Variants in SFTPC observed in about 807,000 individuals in gnomAD.
SFTPC encodes BRICHOS domain containing 6.
SFTPC carries 12 observed loss-of-function variants against 19.9 expected under a neutral mutation model. That is an observed-to-expected ratio of 0.60 (90% CI 0.39 to 0.98). The LOEUF (loss-of-function observed/expected upper bound fraction) is 0.98. Among genes scored for constraint, SFTPC ranks in the 50% least tolerant of loss-of-function variants. The pLI is 0.00. For missense variants in SFTPC, 219 were observed against 252.2 expected (o/e 0.87, Z 0.89); for synonymous variants, 123 against 103.3 (o/e 1.19, Z -1.16).
At chr8:22,158,958 A>G (rs1272350664), upstream of SFTPC, 1 of 152,236 alleles carries the variant, frequency 6.6e-6, no homozygotes, top group Non-Finnish European at 1.5e-5. Context: ...TGGAAGATAG[A>G]GCAACAAAAA....
intron 4 of SFTPC, 140 bp from the exon 5 acceptor site, chr8:22,163,761 T>G: frequency 1.1e-6 from 1 of 911,686 alleles, no homozygotes; most frequent in Non-Finnish European, 1.8e-6. Context: ...TGGTGGCTTC[T>G]GACTCTAGCA....
In SFTPC at chr8:22,163,107, G is replaced by A. The variant is rs772841457; in HGVS notation, c.229G>A (p.Glu77Lys). 6 of 1,614,030 alleles carry A rather than the reference G, an allele frequency of 3.7e-6. No individual in the cohort carries two copies. Among genetic ancestry groups the A allele is most frequent in the Middle Eastern group, 3.3e-4 (2 of 6,084 alleles). Residue 77 changes from glutamate (E) to lysine (K), a missense_variant, in exon 3 of 6, where the codon GAA (glutamate) becomes AAA (lysine). By Grantham distance (56) the Glu-to-Lys change is moderately conservative. Coordinates refer to ENST00000679463, the MANE Select transcript of SFTPC (RefSeq NM_001317778.2). The part of the protein sequence containing the change: ...MVLEMSIGAP[E>K]AQQRLALSEH... ...TCTGGAGATGAGCATTGGGGCGCCG[G>A]AAGCCCAGCAACGCCTGGCCCTGAG...
chr8:22,161,777 C>A (rs373338880), upstream of SFTPC: 28 of 1,613,828 alleles, frequency 1.7e-5, 1 homozygote, highest in Admixed American at 4.2e-4. Context: ...ACATATAAGA[C>A]CCTGGTCACA....
At chr8:22,161,624 G>A, upstream of SFTPC, 2 of 1,518,208 alleles carry the variant, frequency 1.3e-6, no homozygotes, top group Non-Finnish European at 1.8e-6. Context: ...ATGTGCCAGG[G>A]CCAAGGGCCC....
upstream of SFTPC, among the ~76,000 whole-genome samples, chr8:22,161,233 G>C (rs187249892): frequency 7.9e-4 from 121 of 152,318 alleles, 1 homozygote; most frequent in African/African-American, 2.8e-3. Flanking sequence ...AGGAGGCAAG[G>C]TAAGGGAAAG....
upstream of SFTPC, chr8:22,159,593 C>T (rs1011317771): frequency 7.7e-6 from 3 of 391,396 alleles, no homozygotes; most frequent in Middle Eastern, 3.7e-4. Context: ...CAGCAGCAGC[C>T]GCCACAGAGC....
upstream of SFTPC, among the ~76,000 whole-genome samples, chr8:22,158,435 C>T (rs548378014): frequency 2.0e-5 from 3 of 152,286 alleles, no homozygotes; most frequent in East Asian, 1.9e-4. Flanking sequence ...AATCTTGTCC[C>T]CACCCCTGCA....
upstream of SFTPC, chr8:22,159,633 G>A: frequency 2.0e-6 from 1 of 488,454 alleles, no homozygotes; most frequent in South Asian, 1.6e-5. Context: ...AGGGCAACAG[G>A]CAGGGGAGAC....
intron 1 of SFTPC, 109 bp from the exon 2 acceptor site, chr8:22,162,465 C>T (rs1009713901): frequency 1.8e-5 from 22 of 1,232,834 alleles, no homozygotes; most frequent in African/African-American, 4.5e-5. Context: ...TCCATCGCAT[C>T]GGCTGTCCAG....
upstream of SFTPC, among the ~76,000 whole-genome samples, chr8:22,158,211 G>A (rs1827572242): frequency 6.6e-6 from 1 of 152,232 alleles, no homozygotes; most frequent in Non-Finnish European, 1.5e-5. Context: ...GACTCTGCCA[G>A]CAGGGGATTC....
upstream of SFTPC, among the ~76,000 whole-genome samples, chr8:22,161,038 G>A (rs1827696609): frequency 6.6e-6 from 1 of 152,142 alleles, no homozygotes; most frequent in Non-Finnish European, 1.5e-5. Flanking sequence ...GGGCTGTCCG[G>A]GCAGAAGAAA....
chr8:22,164,207 C>T, intron 5 of SFTPC, 59 bp from the exon 6 acceptor site: 8 of 1,524,736 alleles, frequency 5.2e-6, no homozygotes, highest in Non-Finnish European at 4.4e-6. Context: ...GCTCACAGAC[C>T]GGTACTTCCC....
intron 5 of SFTPC, 80 bp downstream of exon 5, chr8:22,164,139 A>C: frequency 1.9e-6 from 3 of 1,579,504 alleles, no homozygotes; most frequent in Non-Finnish European, 2.6e-6. Flanking sequence ...GCTCGCGCTG[A>C]CCAGGCGCTG....
upstream of SFTPC, chr8:22,161,611 C>G (rs573825268): frequency 3.4e-6 from 5 of 1,461,030 alleles, no homozygotes; most frequent in Middle Eastern, 2.5e-4. Flanking sequence ...GCCAAGAGGA[C>G]TCATGTGCCA....
rs750172249 is a variant in SFTPC at position 22,162,670 on chromosome 8, G to A, written c.139G>A (p.Val47Ile). Residue 47 changes from valine (V) to isoleucine (I), a missense_variant, in exon 2 of 6, where the codon GTC (valine) becomes ATC (isoleucine). By Grantham distance (29) the Val-to-Ile change is conservative (BLOSUM62 3). Coordinates refer to ENST00000679463, the MANE Select transcript of SFTPC (RefSeq NM_001317778.2). ...LIVVVVVVLI[V>I]VVIVGALLMG... ...CGTGGTGGTGGTGGTGGTCCTCATC[G>A]TCGTGGTGATTGTGGGAGCCCTGCT... The A allele has an allele frequency of 6.8e-6, 11 of 1,614,220 alleles. No individual in the cohort carries two copies. The highest frequency in any genetic ancestry group is 1.7e-5 in the Admixed American group (1 of 60,030).
At chr8:22,158,292 C>T (rs73549551), upstream of SFTPC, among the ~76,000 whole-genome samples, 77 of 152,344 alleles carry the variant, frequency 5.1e-4, no homozygotes, top group Middle Eastern at 0.01. Flanking sequence ...CTTGCTGCCA[C>T]ACATTTAGCC....
At chr8:22,159,501 G>A (rs1158958303), upstream of SFTPC, 4 of 348,556 alleles carry the variant, frequency 1.1e-5, no homozygotes, top group Admixed American at 3.9e-5. Flanking sequence ...CTTGGTTGGT[G>A]TGAGCACTCC....
At chr8:22,162,842 G>C in intron 2 of SFTPC, 110 bp downstream of exon 2, 3 of 1,460,070 alleles carry the variant, frequency 2.1e-6, no homozygotes. Flanking sequence ...AGGAGGCAAG[G>C]GGCACAGCTA....
Position 22,162,615 on chromosome 8 carries a change from C to A in SFTPC, c.84C>A (p.Cys28Ter). 6.2e-7 allele frequency: 1 copy of A among 1,614,176 alleles called. No homozygotes were observed. The highest frequency in any genetic ancestry group is 8.5e-7 in the Non-Finnish European group (1 of 1,180,006). ...CCCGGGGCCGATTTGGCATTCCCTG[C>A]TGCCCAGTGCACCTGAAACGCCTTC... ...AAPRGRFGIP[C>*]CPVHLKRLLI... Residue 28 changes from cysteine to a stop codon, truncating the protein, a stop_gained, in exon 2 of 6, where the codon TGC (cysteine) becomes TGA (stop). Coordinates refer to ENST00000679463, the MANE Select transcript of SFTPC (RefSeq NM_001317778.2). LOFTEE classifies it high-confidence loss of function.
Sources: allele counts gnomAD v4.1 joint callset (sites outside exome capture counted in the v4.1 genomes callset), GRCh38; gene constraint gnomAD v4.1.1; transcripts MANE v1.5; gene names NCBI Gene and HGNC (gene_info 2026-07-23, HGNC 2026-07-21).